Variants in ZNF37A observed in about 807,000 individuals in gnomAD.
The protein encoded by ZNF37A is zinc finger protein 37A.
Under a neutral mutation model 12.3 loss-of-function variants are expected in ZNF37A, and 10 were observed. The observed-to-expected ratio is 0.82, with a 90% CI of 0.50 to 1.38. ZNF37A has a LOEUF of 1.38. Ranked by LOEUF, ZNF37A falls within the 40% of genes most tolerant of loss-of-function variation. The probability of loss-of-function intolerance (pLI) is 0.00; values close to 1 mark genes in which losing one functional copy is unlikely to be tolerated. For missense variants in ZNF37A, 580 were observed against 651.2 expected, an observed-to-expected ratio of 0.89 and a Z score of 1.19; for synonymous variants, 207 against 223.0, an observed-to-expected ratio of 0.93 and a Z score of 0.64.
downstream of ZNF37A, among the ~76,000 whole-genome samples, chr10:38,129,319 A>AAAAAAAAAAAAAAAAAAAAAAAAAAAC: frequency 5.5e-4 from 64 of 116,262 alleles, 4 homozygotes; most frequent in Middle Eastern, 4.4e-3. Flanking sequence ...AAAAAAAAAA[A>AAAAAAAAAAAAAAAAAAAAAAAAAAAC]AAACTATTAT....
chr10:38,121,549 G>C lies in ZNF37A; in HGVS notation c.*2712G>C. The stretch of plus-strand genomic sequence containing the variant: ...GTGAGGTGTGGAAGGGACAGGGGGA[G>C]GAGATGGGCAGCATTGTTGAGAGAT... On this transcript the variant is annotated 3_prime_UTR_variant, in exon 8 of 8. Transcript: ENST00000685332. 6.6e-6 allele frequency: 1 copy of C among 152,380 alleles called. No homozygotes were observed. Among genetic ancestry groups the C allele is most frequent in the Non-Finnish European group, 1.5e-5 (1 of 68,066 alleles). The allele number at this position is 152,380 out of a possible 1,614,324, so 9.4% of individuals were successfully genotyped here.
At chr10:38,108,767 T>C (rs1293471607) in intron 5 of ZNF37A, among the ~76,000 whole-genome samples, 1 of 152,084 alleles carries the variant, frequency 6.6e-6, no homozygotes, top group African/African-American at 2.4e-5. Flanking sequence ...ACTTACACCC[T>C]CTCAAGTCTA....
intron 5 of ZNF37A, among the ~76,000 whole-genome samples, chr10:38,112,773 T>TG (rs1564932263): frequency 1.7e-4 from 11 of 65,636 alleles, no homozygotes; most frequent in African/African-American, 5.6e-4. Flanking sequence ...TTCTTTTCTT[T>TG]TCTTTTCTTT....
intron 7 of ZNF37A, chr10:38,117,169 G>T (rs531701143): frequency 3.4e-4 from 336 of 984,730 alleles, no homozygotes; most frequent in Non-Finnish European, 3.8e-4. Flanking sequence ...CACAGAATTG[G>T]AGCCTGGATT....
intron 5 of ZNF37A, among the ~76,000 whole-genome samples, chr10:38,114,301 C>G (rs1721538614): frequency 6.6e-6 from 1 of 152,162 alleles, no homozygotes; most frequent in African/African-American, 2.4e-5. Flanking sequence ...TGCAAAGGAA[C>G]TAAAGTTTTA....
intron 5 of ZNF37A, among the ~76,000 whole-genome samples, chr10:38,100,146 TG>T (rs2067444789): frequency 6.6e-6 from 1 of 152,076 alleles, no homozygotes; most frequent in Admixed American, 6.6e-5. Flanking sequence ...GGAGGGAGTA[TG>T]CGAATAGGTG....
downstream of ZNF37A, among the ~76,000 whole-genome samples, chr10:38,128,069 A>G (rs2069954468): frequency 1.3e-5 from 2 of 152,140 alleles, no homozygotes; most frequent in Admixed American, 6.6e-5. Context: ...GTGGGGAAAA[A>G]ATGTAAGATC....
Position 38,118,454 on chromosome 10 carries a change from G to C in ZNF37A, c.1303G>C (p.Gly435Arg), listed in dbSNP as rs1304169731. The part of the protein sequence containing the change: ...TLTKHLRTHT[G>R]EKPYECIQCG... ...TACTAAACATCTAAGAACTCACACAGGTGAGAAACCTTATGAATGTATTCA... is the reference window on the plus strand; with the variant it reads ...TACTAAACATCTAAGAACTCACACACGTGAGAAACCTTATGAATGTATTCA... Residue 435 changes from glycine to arginine, a missense_variant, in exon 8 of 8, where the codon GGT (glycine) becomes CGT (arginine). Transcript: ENST00000685332. 1.2e-6 allele frequency: 2 copies of C among 1,613,890 alleles called. No individual in the cohort carries two copies. The highest frequency in any genetic ancestry group is 2.7e-5 in the African/African-American group (2 of 74,906).
chr10:38,145,504 T>C (rs375694266), intron 7 of ZNF37A, among the ~76,000 whole-genome samples: 3 of 152,306 alleles, frequency 2.0e-5, no homozygotes, highest in East Asian at 3.9e-4. Context: ...GGACCTGTTA[T>C]TATTTTTTCA....
intron 7 of ZNF37A, among the ~76,000 whole-genome samples, chr10:38,136,623 T>C (rs549359854): frequency 6.6e-6 from 1 of 152,358 alleles, no homozygotes; most frequent in Non-Finnish European, 1.5e-5. Context: ...TATCATAGTA[T>C]GAGTATTATT....
chr10:38,126,495 C>G (rs544947398), downstream of ZNF37A, among the ~76,000 whole-genome samples: 103 of 152,322 alleles, frequency 6.8e-4, no homozygotes, highest in African/African-American at 2.4e-3. Context: ...TGGCAATACT[C>G]GTCTTAGTGA....
At chr10:38,105,750 T>C (rs2068015857) in intron 5 of ZNF37A, among the ~76,000 whole-genome samples, 1 of 152,252 alleles carries the variant, frequency 6.6e-6, no homozygotes. Flanking sequence ...TTTATTTTAC[T>C]GAATACTACC....
chr10:38,118,139 C>T lies in ZNF37A; in HGVS notation c.988C>T (p.His330Tyr). ...TACAGGGGAGAGACCTTATGGATGT[C>T]ATGAATGTGGGAAATCCTTCAGTGA... ...IHTGERPYGC[H>Y]ECGKSFSEKS... Residue 330 changes from histidine (H) to tyrosine (Y), a missense_variant, in exon 8 of 8, where the codon CAT (histidine) becomes TAT (tyrosine). By Grantham distance (83) the His-to-Tyr change is moderately conservative. Transcript: ENST00000685332. 6.2e-7 allele frequency: 1 copy of T among 1,613,624 alleles called. No individual in the cohort carries two copies. The highest frequency in any genetic ancestry group is 1.1e-5 in the South Asian group (1 of 91,038).
At chr10:38,107,152 ACT>A (rs1457420453) in intron 5 of ZNF37A, among the ~76,000 whole-genome samples, 1 of 152,022 alleles carries the variant, frequency 6.6e-6, no homozygotes, top group Non-Finnish European at 1.5e-5. Flanking sequence ...CAACAGCAGA[ACT>A]CTCTACAGAA....
intron 5 of ZNF37A, among the ~76,000 whole-genome samples, chr10:38,113,205 A>ATTTTTTTTTT (rs71007697): frequency 1.3e-5 from 1 of 75,832 alleles, no homozygotes; most frequent in Non-Finnish European, 2.4e-5. Flanking sequence ...TTAGTCTGTG[A>ATTTTTTTTTT]TTTTTTTTTT....
chr10:38,131,830 A>G (rs1171939118), intron 7 of ZNF37A, among the ~76,000 whole-genome samples: 1 of 152,068 alleles, frequency 6.6e-6, no homozygotes, highest in South Asian at 2.1e-4. Context: ...TATCATTTTT[A>G]GTATATAAGT....
In ZNF37A at chr10:38,119,106, G is replaced by A. The variant is rs1590919276; in HGVS notation, c.*269G>A. The A allele has an allele frequency of 8.1e-6, 9 of 1,112,992 alleles. No individual in the cohort carries two copies. In the East Asian group the frequency reaches 4.8e-4, roughly 60 times the overall value. The allele number at this position is 1,112,992 out of a possible 1,614,324, so 68.9% of individuals were successfully genotyped here. On this transcript the variant is annotated 3_prime_UTR_variant, in exon 8 of 8. Coordinates refer to ENST00000685332, the MANE Select transcript of ZNF37A (RefSeq NM_001324250.3). ...CAATGCCACTCTTCATTAAACATCA[G>A]AGAATTCACACGGGGTGAAACCTGG...
rs543088984 is a variant in ZNF37A at position 38,141,055 on chromosome 10, G to C, written c.239-5677G>C. 3.9e-5 allele frequency: 6 copies of C among 152,226 alleles called. No homozygotes were observed. In the East Asian group the frequency reaches 9.6e-4, roughly 24 times the overall value. 9.4% of individuals were successfully genotyped at this position (152,226 alleles called of 1,614,324 possible). On this transcript the variant is annotated intron_variant, in intron 7 of 7. Transcript: ENST00000638053. ...TGGCTGTTGGCAAGATCCAATGAGGGACCCATATTAGTGGGTGAAACTTGA... is the reference window on the plus strand; with the variant it reads ...TGGCTGTTGGCAAGATCCAATGAGGCACCCATATTAGTGGGTGAAACTTGA...
chr10:38,136,369 G>C (rs922560561), intron 7 of ZNF37A, among the ~76,000 whole-genome samples: 2 of 152,052 alleles, frequency 1.3e-5, no homozygotes, highest in African/African-American at 4.8e-5. Context: ...GGCCACACTG[G>C]TCTCTAACAC....
Sources: allele counts gnomAD v4.1 joint callset (sites outside exome capture counted in the v4.1 genomes callset), GRCh38; gene constraint gnomAD v4.1.1; transcripts MANE v1.5; gene names NCBI Gene and HGNC (gene_info 2026-07-23, HGNC 2026-07-21).